TRPC6: variants seen among roughly 807,000 people sequenced by gnomAD.
The protein encoded by TRPC6 is short transient receptor potential channel 6.
Under a neutral mutation model 90.7 loss-of-function variants are expected in TRPC6, and 55 were observed. The ratio of observed to expected loss-of-function variants is 0.61; its 90% CI spans 0.49 to 0.76. TRPC6 has a LOEUF of 0.76. TRPC6 is among the 30% of genes least tolerant of loss of function. The probability of loss-of-function intolerance (pLI) is 0.00; values close to 1 mark genes in which losing one functional copy is unlikely to be tolerated. For missense variants in TRPC6, 989 were observed against 1,122.7 expected (o/e 0.88, Z 1.70); for synonymous variants, 393 against 393.0 (o/e 1.00, Z 0.00).
At chr11:101,459,560 A>T (rs1321269837) in intron 10 of TRPC6, among the ~76,000 whole-genome samples, 1 of 152,218 alleles carries the variant, frequency 6.6e-6, no homozygotes, top group East Asian at 1.9e-4. Context: ...CATTTACAAT[A>T]TATAATATAC....
intron 5 of TRPC6, 33 bp from the exon 6 acceptor site, chr11:101,476,567 A>G (rs2136678940): frequency 4.5e-6 from 7 of 1,550,564 alleles, no homozygotes; most frequent in Non-Finnish European, 6.2e-6. Flanking sequence ...TATCAATTCA[A>G]TCGCATTCAG....
intron 1 of TRPC6, among the ~76,000 whole-genome samples, chr11:101,561,266 G>A (rs2136866384): frequency 6.6e-6 from 1 of 152,118 alleles, no homozygotes; most frequent in South Asian, 2.1e-4. Flanking sequence ...AAGCTGTTAG[G>A]CAAATTGACA....
intron 1 of TRPC6, among the ~76,000 whole-genome samples, chr11:101,513,158 GAGA>G (rs543842044): frequency 3.0e-4 from 46 of 152,300 alleles, no homozygotes; most frequent in African/African-American, 1.1e-3. Flanking sequence ...CACCATCAAG[GAGA>G]GAGCCAAGGG....
chr11:101,517,762 C>A (rs1226671452), intron 1 of TRPC6, among the ~76,000 whole-genome samples: 2 of 152,130 alleles, frequency 1.3e-5, no homozygotes, highest in Non-Finnish European at 2.9e-5. Context: ...AACCAAGATA[C>A]AAACTAACTT....
chr11:101,467,444 T>C (rs1161402213), intron 10 of TRPC6, among the ~76,000 whole-genome samples: 2 of 152,216 alleles, frequency 1.3e-5, no homozygotes, highest in East Asian at 1.9e-4. Context: ...CAGAACTTTA[T>C]AGTATTAAGT....
intron 5 of TRPC6, among the ~76,000 whole-genome samples, chr11:101,481,578 A>C (rs1360880714): frequency 6.6e-6 from 1 of 152,080 alleles, no homozygotes; most frequent in Admixed American, 6.5e-5. Flanking sequence ...GACTGTAGTC[A>C]CTACCTGCTG....
At position 101,460,209 on chromosome 11, in the gene TRPC6, T is replaced by G. The variant is rs190198053; in HGVS notation, c.2485-5108A>C. Among the ~76,000 whole-genome samples, 157 of 152,326 alleles carry G rather than the reference T, an allele frequency of 1.0e-3. 1 individual carries two copies. Among genetic ancestry groups the G allele is most frequent in the African/African-American group, 3.7e-3 (155 of 41,578 alleles). ...TATACGTAGTCAACTGTATATTATA[T>G]GAAGTCAGTACATGTACCCCTTGGT... On this transcript the variant is annotated intron_variant, in intron 10 of 12. Transcript: ENST00000344327.
intron 2 of TRPC6, among the ~76,000 whole-genome samples, chr11:101,501,231 T>A (rs1860114588): frequency 6.7e-6 from 1 of 149,958 alleles, no homozygotes; most frequent in African/African-American, 2.5e-5. Context: ...TTTTATTTCC[T>A]GAGACTCTAA....
At chr11:101,510,889 T>A (rs1012928591) in intron 1 of TRPC6, among the ~76,000 whole-genome samples, 1 of 152,202 alleles carries the variant, frequency 6.6e-6, no homozygotes, top group African/African-American at 2.4e-5. Context: ...TTATACAAAC[T>A]AAGCTCCATA....
At chr11:101,581,329 C>T (rs2136905641) in intron 1 of TRPC6, among the ~76,000 whole-genome samples, 1 of 152,246 alleles carries the variant, frequency 6.6e-6, no homozygotes, top group East Asian at 1.9e-4. Context: ...AATAATTAGA[C>T]AAATTAGGCA....
At position 101,469,483 on chromosome 11, in the gene TRPC6, G is replaced by T. The variant is rs1324465401; in HGVS notation, c.2428C>A (p.Leu810Ile). 1 of 768,292 alleles carries T rather than the reference G, an allele frequency of 1.3e-6. No homozygotes were observed. Among genetic ancestry groups the T allele is most frequent in the Non-Finnish European group, 2.4e-6 (1 of 411,354 alleles). The allele number at this position is 768,292 out of a possible 1,614,324, so 47.6% of individuals were successfully genotyped here. A position where few individuals can be genotyped will look rare whatever the true frequency, so the allele number is the denominator to read the frequency against. ...TCTTCATGACTTCCTAAAATTCCAA[G>T]TTTCTTTTCTTCATTTATCTTTTAA... ...EMNKINEEKK[L>I]GILGSHEDLS... Residue 810 changes from leucine to isoleucine, a missense_variant, in exon 10 of 13, where the codon CTT (leucine) becomes ATT (isoleucine). Transcript: ENST00000344327.
rs576171346 is a variant in TRPC6, at chr11:101,503,704, T to C, written c.945+320A>G. Reference sequence around the variant, plus strand: ...CTGAACCCAGCTGTGTTATTTCCCATTTGTTGATATTGGGCATTAGCGAAA... The same window carrying C: ...CTGAACCCAGCTGTGTTATTTCCCACTTGTTGATATTGGGCATTAGCGAAA... On this transcript the variant is annotated intron_variant, in intron 2 of 12. Transcript: ENST00000344327. 1.2e-3 allele frequency among the ~76,000 whole-genome samples: 190 copies of C among 152,252 alleles called. 3 individuals carry two copies. In the South Asian group the frequency reaches 0.039, roughly 31 times the overall value.
chr11:101,507,209 C>T (rs1169097860), intron 1 of TRPC6, among the ~76,000 whole-genome samples: 3 of 151,930 alleles, frequency 2.0e-5, no homozygotes, highest in Non-Finnish European at 4.4e-5. Context: ...TAACCTTAAA[C>T]CTAATAGATA....
chr11:101,452,837 A>C lies in TRPC6; in HGVS notation c.*118T>G. ...GGGCTCCAGATGATAGGATGGCCCAAGTTATTTAACGTTTTCTTGTTTAAA... is the reference window on the plus strand; with the variant it reads ...GGGCTCCAGATGATAGGATGGCCCACGTTATTTAACGTTTTCTTGTTTAAA... On this transcript the variant is annotated 3_prime_UTR_variant, in exon 13 of 13. Coordinates refer to ENST00000344327, the MANE Select transcript of TRPC6 (RefSeq NM_004621.6). 1.6e-6 allele frequency: 2 copies of C among 1,245,754 alleles called. No individual in the cohort carries two copies. Among genetic ancestry groups the C allele is most frequent in the Non-Finnish European group, 2.3e-6 (2 of 868,962 alleles). 77.2% of individuals were successfully genotyped at this position (1,245,754 alleles called of 1,614,324 possible).
Position 101,490,079 on chromosome 11 carries a change from G to A in TRPC6, c.1129-978C>T, listed in dbSNP as rs114502695. Among the ~76,000 whole-genome samples, 1,380 of 152,240 alleles carry A rather than the reference G, an allele frequency of 9.1e-3. 12 individuals are homozygous for A. The highest frequency in any genetic ancestry group is 0.031 in the African/African-American group (1,294 of 41,548). ...AAAATTTGACATATTAATTCCACAT[G>A]TAAGAATTTTTGTTTACGAGTAAAA... On this transcript the variant is annotated intron_variant, in intron 3 of 12. Transcript: ENST00000344327.
chr11:101,470,238 T>C (rs1461567217), intron 9 of TRPC6, among the ~76,000 whole-genome samples: 1 of 152,226 alleles, frequency 6.6e-6, no homozygotes, highest in Non-Finnish European at 1.5e-5. Context: ...AAGTTTGCTC[T>C]TATATCGAAT....
intron 5 of TRPC6, among the ~76,000 whole-genome samples, chr11:101,480,724 T>G (rs1402771243): frequency 6.6e-6 from 1 of 152,176 alleles, no homozygotes; most frequent in Non-Finnish European, 1.5e-5. Flanking sequence ...CTGAAATTTC[T>G]TGAACATGTC....
chr11:101,498,344 T>C (rs1429903051), intron 2 of TRPC6, among the ~76,000 whole-genome samples: 1 of 152,188 alleles, frequency 6.6e-6, no homozygotes, highest in Non-Finnish European at 1.5e-5. Flanking sequence ...TGTATTAATG[T>C]TTTCTCCCAT....
chr11:101,532,132 A>T (rs1860924382), intron 1 of TRPC6, among the ~76,000 whole-genome samples: 2 of 152,342 alleles, frequency 1.3e-5, no homozygotes, highest in South Asian at 4.1e-4. Flanking sequence ...TCCTGAAGCT[A>T]AGTAACTCAA....
Sources: gnomAD v4.1 joint callset for allele counts (sites outside exome capture counted in the v4.1 genomes callset) on GRCh38, gnomAD v4.1.1 for gene constraint, MANE v1.5 for transcripts, NCBI Gene and HGNC (gene_info 2026-07-23, HGNC 2026-07-21) for gene names.